Variants in NIBAN3 observed in about 807,000 individuals in gnomAD.
NIBAN3 encodes the protein protein Niban 3.
Under a neutral mutation model 76.4 loss-of-function variants are expected in NIBAN3, and 66 were observed. The observed-to-expected ratio is 0.86, with a 90% CI of 0.71 to 1.06. The LOEUF (loss-of-function observed/expected upper bound fraction) is 1.06. Among genes scored for constraint, NIBAN3 ranks in the 50% least tolerant of loss-of-function variants. The pLI, the probability that NIBAN3 is intolerant of heterozygous loss-of-function variation, is 0.00. For missense variants in NIBAN3, 808 were observed against 810.7 expected (o/e 1.00, Z 0.04); for synonymous variants, 360 against 355.2 (o/e 1.01, Z -0.15).
intron 5 of NIBAN3, among the ~76,000 whole-genome samples, chr19:17,538,549 G>A (rs1290955724): frequency 6.6e-6 from 1 of 151,886 alleles, no homozygotes; most frequent in African/African-American, 2.4e-5. Context: ...CTTGAGCCCA[G>A]GACTTGGAGG....
At position 17,527,349 on chromosome 19, in the gene NIBAN3, G is replaced by C. The variant is rs1404746810; in HGVS notation, c.9G>C (p.Gly3=). 1 of 1,549,688 alleles carries C rather than the reference G, an allele frequency of 6.5e-7. No homozygotes were observed. Among genetic ancestry groups the C allele is most frequent in the Admixed American group, 2.0e-5 (1 of 50,818 alleles). ...CGGGAGACGACAGCAGCATGGGTGG[G>C]CGGCCTTCGAGCCCTCTGGACAAGC... is the stretch of plus-strand genomic sequence containing the variant. MG[G]RPSSPLDKQQ... is the part of the protein sequence containing the mutation. The change falls in exon 1 of 15, where the codon GGG becomes GGC. Residue 3 remains glycine, a synonymous_variant. Transcript: ENST00000599164.
At chr19:17,543,455 T>C (rs773145349) in intron 11 of NIBAN3, 22 bp downstream of exon 11, 4 of 1,608,616 alleles carry the variant, frequency 2.5e-6, no homozygotes, top group South Asian at 1.1e-5. Flanking sequence ...GGGTACGGGG[T>C]GGCATGGGGT....
chr19:17,546,693 C>A lies in NIBAN3; in HGVS notation c.1562C>A (p.Pro521His). The A allele has an allele frequency of 6.3e-7, 1 of 1,575,660 alleles. No homozygotes were observed. Among genetic ancestry groups the A allele is most frequent in the East Asian group, 2.3e-5 (1 of 43,538 alleles). Residue 521 changes from proline to histidine, a missense_variant, in exon 13 of 15, where the codon CCT (proline) becomes CAT (histidine). Pro to His is a moderately conservative substitution (Grantham distance 77). Coordinates refer to ENST00000599164, the MANE Select transcript of NIBAN3 (RefSeq NM_001321827.2). The part of the protein sequence containing the change: ...QLEPGCKKEL[P>H]EFEGDVLAVG... ...AACCCGCCATGGTTCCAGGAGCTGCCTGAGTTCGAGGGGGATGTCCTTGCC... is the reference window on the plus strand; with the variant it reads ...AACCCGCCATGGTTCCAGGAGCTGCATGAGTTCGAGGGGGATGTCCTTGCC...
chr19:17,530,194 C>T (rs759098427), intron 1 of NIBAN3, among the ~76,000 whole-genome samples: 4 of 151,644 alleles, frequency 2.6e-5, no homozygotes, highest in Non-Finnish European at 4.4e-5. Flanking sequence ...AGCCTGTAGT[C>T]TCTGTAGTCC....
intron 9 of NIBAN3, among the ~76,000 whole-genome samples, 168 bp from the exon 10 acceptor site, chr19:17,541,968 G>A (rs1599741534): frequency 6.6e-6 from 1 of 152,076 alleles, no homozygotes; most frequent in Non-Finnish European, 1.5e-5. Context: ...ACAGGTGTGA[G>A]CCACCATGCC....
chr19:17,529,180 A>T (rs1016432583), intron 1 of NIBAN3, among the ~76,000 whole-genome samples: 4 of 152,140 alleles, frequency 2.6e-5, no homozygotes, highest in Non-Finnish European at 5.9e-5. Flanking sequence ...TAAAATGGGG[A>T]TAGCAACAAC....
chr19:17,528,458 G>A (rs868342196), intron 1 of NIBAN3, among the ~76,000 whole-genome samples: 5 of 152,114 alleles, frequency 3.3e-5, no homozygotes, highest in South Asian at 2.1e-4. Flanking sequence ...TCAGGTGGGA[G>A]GCATAGGGCC....
chr19:17,554,648 C>T (rs557593510), downstream of NIBAN3, among the ~76,000 whole-genome samples: 3 of 149,588 alleles, frequency 2.0e-5, no homozygotes, highest in East Asian at 2.0e-4. Context: ...GGCGTGGTGG[C>T]GCGTGCCTGT....
chr19:17,534,313 G>T (rs548030882), intron 4 of NIBAN3, among the ~76,000 whole-genome samples: 3 of 152,144 alleles, frequency 2.0e-5, no homozygotes, highest in Non-Finnish European at 4.4e-5. Flanking sequence ...TCAGGAGTTC[G>T]AGACTAGCCT....
chr19:17,544,600 T>C (rs1296332330), intron 12 of NIBAN3, among the ~76,000 whole-genome samples: 12 of 152,202 alleles, frequency 7.9e-5, no homozygotes, highest in Admixed American at 7.9e-4. Flanking sequence ...GCACAGCATG[T>C]GCAAAGGCCC....
intron 1 of NIBAN3, among the ~76,000 whole-genome samples, chr19:17,529,579 A>T (rs2075675229): frequency 6.6e-6 from 1 of 152,250 alleles, no homozygotes; most frequent in South Asian, 2.1e-4. Context: ...AGATCAGGAT[A>T]CAGCACACCT....
At chr19:17,555,284 G>A (rs192006002), downstream of NIBAN3, among the ~76,000 whole-genome samples, 1 of 152,288 alleles carries the variant, frequency 6.6e-6, no homozygotes, top group Non-Finnish European at 1.5e-5. Context: ...CGTTGCAGCA[G>A]AGGAAACTGA....
chr19:17,554,607 C>G (rs1475389086), downstream of NIBAN3, among the ~76,000 whole-genome samples: 3 of 151,366 alleles, frequency 2.0e-5, no homozygotes, highest in Non-Finnish European at 2.9e-5. Flanking sequence ...TATGGTGAAA[C>G]CCCATCTCTA....
rs771543151 is a variant in NIBAN3 at position 17,553,345 on chromosome 19, G to T, written c.*1447G>T. On this transcript the variant is annotated 3_prime_UTR_variant, in exon 15 of 15. Coordinates refer to ENST00000599164, the MANE Select transcript of NIBAN3 (RefSeq NM_001321827.2). ...TCTTAACTTGGTGTCAAGTTTCCTG[G>T]CTGGGAGACAAGCTTTTACCGACTT... 1.5e-5 allele frequency: 24 copies of T among 1,613,918 alleles called. No individual in the cohort carries two copies. Among genetic ancestry groups the T allele is most frequent in the Non-Finnish European group, 1.9e-5 (23 of 1,179,934 alleles).
At chr19:17,541,236 TAC>T (rs1156756178) in intron 9 of NIBAN3, among the ~76,000 whole-genome samples, 2 of 6,876 alleles carry the variant, frequency 2.9e-4, no homozygotes, top group Non-Finnish European at 8.5e-4. Context: ...CATATATACA[TAC>T]ATACATACAT....
chr19:17,539,043 T>G, intron 5 of NIBAN3, 107 bp from the exon 6 acceptor site: 2 of 891,854 alleles, frequency 2.2e-6, no homozygotes, highest in Non-Finnish European at 3.4e-6. Context: ...CAGAGATGGG[T>G]GAGACTTGGG....
At position 17,553,172 on chromosome 19, in the gene NIBAN3, C is replaced by T. The variant is rs2076182099; in HGVS notation, c.*1274C>T. ...ATTGCCTGTTCATAGCTTTTTTCTA[C>T]TTTTCAGGAGTGTTTGCATTTTTCT... is the stretch of plus-strand genomic sequence containing the variant. On this transcript the variant is annotated 3_prime_UTR_variant, in exon 15 of 15. Transcript: ENST00000599164. 1 of 1,238,142 alleles carries T rather than the reference C, an allele frequency of 8.1e-7. No homozygotes were observed. Among genetic ancestry groups the T allele is most frequent in the Non-Finnish European group, 1.1e-6 (1 of 922,870 alleles). The allele number at this position is 1,238,142 out of a possible 1,614,324, so 76.7% of individuals were successfully genotyped here.
chr19:17,549,826 C>CTCT, intron 14 of NIBAN3: 1 of 100,512 alleles, frequency 9.9e-6, no homozygotes, highest in African/African-American at 2.3e-4. Context: ...CTCTCTCTCT[C>CTCT]TTTTTTTTTT....
In NIBAN3 at chr19:17,552,021, T is replaced by G. The variant is rs1277746942; in HGVS notation, c.*123T>G. On this transcript the variant is annotated 3_prime_UTR_variant, in exon 15 of 15. Coordinates refer to ENST00000599164, the MANE Select transcript of NIBAN3 (RefSeq NM_001321827.2). Reference sequence around the variant, plus strand: ...CTGCAACTTCAGAAAACTGTACCATTTTATACTCCAAGCAGCAGCATTTAT... The same window carrying G: ...CTGCAACTTCAGAAAACTGTACCATGTTATACTCCAAGCAGCAGCATTTAT... 2.1e-5 allele frequency: 11 copies of G among 535,592 alleles called. No individual in the cohort carries two copies. The highest frequency in any genetic ancestry group is 1.9e-4 in the African/African-American group (10 of 52,090). 33.2% of individuals were successfully genotyped at this position (535,592 alleles called of 1,614,324 possible). A position where few individuals can be genotyped will look rare whatever the true frequency, so the allele number is the denominator to read the frequency against.
Sources: gnomAD v4.1 joint callset for allele counts (sites outside exome capture counted in the v4.1 genomes callset) on GRCh38, gnomAD v4.1.1 for gene constraint, MANE v1.5 for transcripts, NCBI Gene and HGNC (gene_info 2026-07-23, HGNC 2026-07-21) for gene names.